Variants in GRID2 observed in about 807,000 individuals in gnomAD.
The protein encoded by GRID2 is glutamate receptor ionotropic, delta-2.
A neutral mutation model predicts 114.8 loss-of-function variants in GRID2; 33 were observed. That is an observed-to-expected ratio of 0.29 (90% confidence interval 0.22 to 0.38). The LOEUF (loss-of-function observed/expected upper bound fraction) is 0.38. Among genes scored for constraint, GRID2 ranks in the 10% least tolerant of loss-of-function variants. The pLI is 1.00. For missense variants in GRID2, 1,184 were observed against 1,257.7 expected (o/e 0.94, Z 0.89); for synonymous variants, 505 against 449.9 (o/e 1.12, Z -1.55).
At chr4:92,371,135 G>T (rs1729097555) in intron 1 of GRID2, among the ~76,000 whole-genome samples, 1 of 152,088 alleles carries the variant, frequency 6.6e-6, no homozygotes. Flanking sequence ...AGCTAGCAGA[G>T]GTTGCTTCAT....
chr4:92,632,569 T>G (rs947702892), intron 2 of GRID2, among the ~76,000 whole-genome samples: 1 of 151,896 alleles, frequency 6.6e-6, no homozygotes. Context: ...CAGACGGAGT[T>G]TGTAGTGAGC....
intron 2 of GRID2, among the ~76,000 whole-genome samples, chr4:92,656,766 G>GA (rs1205719349): frequency 6.6e-6 from 1 of 151,664 alleles, no homozygotes; most frequent in Non-Finnish European, 1.5e-5. Flanking sequence ...CTTCTTGAGA[G>GA]AATATTAACA....
chr4:93,197,352 T>A (rs2149455005), intron 4 of GRID2, among the ~76,000 whole-genome samples: 1 of 152,304 alleles, frequency 6.6e-6, no homozygotes, highest in African/African-American at 2.4e-5. Context: ...TTACTTTAAC[T>A]TTTTGTTCCT....
chr4:93,624,684 T>C (rs1446210432), intron 13 of GRID2, among the ~76,000 whole-genome samples: 1 of 152,242 alleles, frequency 6.6e-6, no homozygotes, highest in Non-Finnish European at 1.5e-5. Flanking sequence ...AATGTTACAT[T>C]ATTCTTTTAA....
At chr4:93,514,432 C>T in intron 12 of GRID2, among the ~76,000 whole-genome samples, 1 of 137,820 alleles carries the variant, frequency 7.3e-6, no homozygotes, top group Admixed American at 7.0e-5. Flanking sequence ...TACACACACA[C>T]ACACACACAC....
chr4:93,122,518 A>G (rs1178692608), intron 4 of GRID2, among the ~76,000 whole-genome samples: 2 of 152,150 alleles, frequency 1.3e-5, no homozygotes, highest in Non-Finnish European at 2.9e-5. Context: ...GAATTAATTG[A>G]AATAAGAATC....
At chr4:92,645,095 A>G (rs1253445957) in intron 2 of GRID2, among the ~76,000 whole-genome samples, 1 of 151,638 alleles carries the variant, frequency 6.6e-6, no homozygotes, top group Non-Finnish European at 1.5e-5. Context: ...CAAACATTTC[A>G]TTAGTATTTA....
chr4:93,469,145 G>A (rs1161943737), intron 11 of GRID2, among the ~76,000 whole-genome samples: 1 of 152,164 alleles, frequency 6.6e-6, no homozygotes, highest in South Asian at 2.1e-4. Flanking sequence ...ATTCTTTTCT[G>A]ATAAATCTTC....
chr4:93,493,658 A>G (rs1018940809), intron 12 of GRID2, among the ~76,000 whole-genome samples: 4 of 151,594 alleles, frequency 2.6e-5, no homozygotes, highest in African/African-American at 9.7e-5. Flanking sequence ...AGTTATTACT[A>G]ACTTTGCCAG....
At chr4:93,491,082 C>T (rs1726954194) in intron 12 of GRID2, among the ~76,000 whole-genome samples, 2 of 151,696 alleles carry the variant, frequency 1.3e-5, no homozygotes, top group Non-Finnish European at 1.5e-5. Context: ...ATCTGACTAA[C>T]ACTGTGAAAA....
intron 8 of GRID2, among the ~76,000 whole-genome samples, chr4:93,260,809 C>A (rs906570580): frequency 2.6e-5 from 4 of 151,774 alleles, no homozygotes; most frequent in African/African-American, 9.7e-5. Flanking sequence ...TCTCTGAAAT[C>A]ATCTAACTAT....
At chr4:92,862,111 C>T (rs1036749303) in intron 2 of GRID2, among the ~76,000 whole-genome samples, 29 of 152,122 alleles carry the variant, frequency 1.9e-4, no homozygotes, top group Admixed American at 5.2e-4. Flanking sequence ...GATAAAATTT[C>T]ATGTCCCAAA....
chr4:93,303,339 G>A (rs563701244), intron 8 of GRID2, among the ~76,000 whole-genome samples: 79 of 152,278 alleles, frequency 5.2e-4, no homozygotes, highest in Middle Eastern at 3.4e-3. Flanking sequence ...GTTCCAGAGA[G>A]ATTTACAAAT....
chr4:92,796,954 A>G (rs921322733), intron 2 of GRID2, among the ~76,000 whole-genome samples: 1 of 151,922 alleles, frequency 6.6e-6, no homozygotes, highest in Non-Finnish European at 1.5e-5. Flanking sequence ...CAAAAAGTGG[A>G]AGGTATTTTG....
In GRID2 at chr4:93,357,232, T is replaced by C. The variant is rs760870303; in HGVS notation, c.1246-38375T>C. Among the ~76,000 whole-genome samples, 129 of 140,928 alleles carry C rather than the reference T, an allele frequency of 9.2e-4. 1 individual carries two copies. The highest frequency in any genetic ancestry group is 1.5e-3 in the Non-Finnish European group (100 of 66,770). 92.5% of individuals were successfully genotyped at this position (140,928 alleles called of 152,430 possible). A position where few individuals can be genotyped will look rare whatever the true frequency, so the allele number is the denominator to read the frequency against. On this transcript the variant is annotated intron_variant, in intron 8 of 15. Coordinates refer to ENST00000282020, the MANE Select transcript of GRID2 (RefSeq NM_001510.4). ...TCCTGCTTTTTAATTTTTACCAAAC[T>C]GACAGGTTGAAAAGTATGTACATTT...
At chr4:92,548,684 C>T (rs534205271) in intron 1 of GRID2, among the ~76,000 whole-genome samples, 5 of 151,832 alleles carry the variant, frequency 3.3e-5, no homozygotes, top group South Asian at 2.1e-4. Context: ...GTGGCCACGA[C>T]GCCTGGCTGA....
intron 2 of GRID2, among the ~76,000 whole-genome samples, chr4:92,722,827 C>T (rs1327479771): frequency 6.6e-6 from 1 of 151,912 alleles, no homozygotes; most frequent in Non-Finnish European, 1.5e-5. Context: ...TACCCTTTCC[C>T]AATTGTAACA....
At chr4:92,396,713 A>G (rs1730508221) in intron 1 of GRID2, among the ~76,000 whole-genome samples, 1 of 152,072 alleles carries the variant, frequency 6.6e-6, no homozygotes, top group African/African-American at 2.4e-5. Context: ...TTATGAAATT[A>G]TTTTAATCCC....
intron 13 of GRID2, among the ~76,000 whole-genome samples, chr4:93,555,921 G>A (rs1314972698): frequency 5.3e-5 from 8 of 152,188 alleles, no homozygotes; most frequent in African/African-American, 1.4e-4. Flanking sequence ...ACAGGCAGCA[G>A]TCTTTGCTGT....
Sources: gnomAD v4.1 joint callset for allele counts (sites outside exome capture counted in the v4.1 genomes callset) on GRCh38, gnomAD v4.1.1 for gene constraint, MANE v1.5 for transcripts, NCBI Gene and HGNC (gene_info 2026-07-23, HGNC 2026-07-21) for gene names.